Variants in NELL1 observed in about 807,000 individuals in gnomAD.
NELL1 encodes the protein neural EGFL like 1.
In NELL1, 76 loss-of-function variants were observed where a neutral mutation model predicts 107.4. The observed-to-expected ratio is 0.71, with a 90% CI of 0.59 to 0.86. NELL1 has a LOEUF of 0.86. NELL1 is among the 40% of genes least tolerant of loss of function. NELL1 has a pLI of 0.00. For missense variants in NELL1, 1,024 were observed against 1,005.5 expected, an observed-to-expected ratio of 1.02 and a Z score of -0.25; for synonymous variants, 353 against 341.2, an observed-to-expected ratio of 1.03 and a Z score of -0.38.
At chr11:20,947,954 C>T (rs1850997720) in intron 11 of NELL1, among the ~76,000 whole-genome samples, 1 of 152,112 alleles carries the variant, frequency 6.6e-6, no homozygotes, top group African/African-American at 2.4e-5. Flanking sequence ...CACTTGGTTG[C>T]TAATTAATTA....
chr11:21,219,430 T>C (rs1857696855), intron 13 of NELL1, among the ~76,000 whole-genome samples: 1 of 152,178 alleles, frequency 6.6e-6, no homozygotes, highest in African/African-American at 2.4e-5. Flanking sequence ...ATTTCGTAGG[T>C]TGTCTCTATA....
chr11:20,874,812 A>G (rs551952176), intron 4 of NELL1, among the ~76,000 whole-genome samples: 2 of 152,136 alleles, frequency 1.3e-5, no homozygotes, highest in East Asian at 1.9e-4. Flanking sequence ...GTTGGTATCA[A>G]TTTTCCCTCT....
intron 14 of NELL1, among the ~76,000 whole-genome samples, chr11:21,325,919 T>C (rs1360930459): frequency 6.6e-6 from 1 of 151,894 alleles, no homozygotes; most frequent in East Asian, 1.9e-4. Context: ...TTTCATCCAG[T>C]ATGTTTTTGA....
chr11:21,486,677 GA>G (rs763995702), intron 15 of NELL1, among the ~76,000 whole-genome samples: 5 of 151,992 alleles, frequency 3.3e-5, no homozygotes, highest in Non-Finnish European at 5.9e-5. Context: ...TGATTTTAAA[GA>G]AGCCCAAATG....
intron 12 of NELL1, among the ~76,000 whole-genome samples, chr11:21,011,419 A>T (rs1852444052): frequency 6.6e-6 from 1 of 152,154 alleles, no homozygotes; most frequent in Non-Finnish European, 1.5e-5. Context: ...AGAGGAAGAA[A>T]TTATAATTCT....
intron 13 of NELL1, among the ~76,000 whole-genome samples, chr11:21,135,711 T>A (rs1279120322): frequency 6.6e-6 from 1 of 152,206 alleles, no homozygotes; most frequent in Non-Finnish European, 1.5e-5. Context: ...AACTAAAACA[T>A]ATAACAACAT....
intron 4 of NELL1, among the ~76,000 whole-genome samples, chr11:20,880,163 A>T (rs1464883094): frequency 6.6e-6 from 1 of 152,244 alleles, no homozygotes; most frequent in Non-Finnish European, 1.5e-5. Context: ...TGAAATATCA[A>T]ACCCTTAAAT....
At chr11:21,376,639 G>T (rs969827336) in intron 15 of NELL1, among the ~76,000 whole-genome samples, 3 of 152,048 alleles carry the variant, frequency 2.0e-5, no homozygotes, top group Non-Finnish European at 4.4e-5. Flanking sequence ...GTTGCTTTGG[G>T]CAGTATGGCC....
At chr11:20,894,850 G>A in intron 5 of NELL1, among the ~76,000 whole-genome samples, 1 of 152,136 alleles carries the variant, frequency 6.6e-6, no homozygotes, top group African/African-American at 2.4e-5. Flanking sequence ...AATTTGTGGG[G>A]TACATGTAAA....
rs771721613 is a variant in NELL1, at chr11:21,307,804, C to A, written c.1550-63049C>A. 4.3e-4 allele frequency among the ~76,000 whole-genome samples: 66 copies of A among 151,938 alleles called. 1 individual carries two copies. Among genetic ancestry groups the A allele is most frequent in the Non-Finnish European group, 8.7e-4 (59 of 67,958 alleles). ...TATATGAACCCTTACTTTAAGCAAGCAGATTGAGCCACAGTTCAATATGAA... is the reference window on the plus strand; with the variant it reads ...TATATGAACCCTTACTTTAAGCAAGAAGATTGAGCCACAGTTCAATATGAA... On this transcript the variant is annotated intron_variant, in intron 14 of 19. Coordinates refer to ENST00000357134, the MANE Select transcript of NELL1 (RefSeq NM_006157.5).
intron 11 of NELL1, among the ~76,000 whole-genome samples, chr11:20,959,461 T>C (rs1476130933): frequency 2.6e-5 from 4 of 152,158 alleles, no homozygotes; most frequent in Non-Finnish European, 5.9e-5. Context: ...GAAACTGTGA[T>C]ATAGATGATG....
intron 15 of NELL1, among the ~76,000 whole-genome samples, chr11:21,517,677 T>C (rs181746657): frequency 2.3e-3 from 353 of 152,240 alleles, no homozygotes; most frequent in Non-Finnish European, 3.6e-3. Flanking sequence ...ACCCACACCA[T>C]AGAAAAGAGT....
intron 15 of NELL1, among the ~76,000 whole-genome samples, chr11:21,387,253 C>T (rs1195456632): frequency 6.6e-6 from 1 of 151,828 alleles, no homozygotes; most frequent in East Asian, 1.9e-4. Context: ...AATCTTCTCC[C>T]AGATAATAGC....
intron 3 of NELL1, among the ~76,000 whole-genome samples, chr11:20,833,271 G>A (rs1324407963): frequency 6.6e-6 from 1 of 151,454 alleles, no homozygotes; most frequent in African/African-American, 2.4e-5. Context: ...TATGTGGTAA[G>A]ACTTGATAAA....
intron 14 of NELL1, among the ~76,000 whole-genome samples, chr11:21,248,525 ATGG>A (rs1316759208): frequency 6.6e-6 from 1 of 152,128 alleles, no homozygotes; most frequent in Admixed American, 6.6e-5. Flanking sequence ...CAGCCTTCAA[ATGG>A]TGGTTCCTGA....
chr11:20,768,705 G>T (rs970823280), intron 2 of NELL1, among the ~76,000 whole-genome samples: 2 of 152,190 alleles, frequency 1.3e-5, no homozygotes, highest in Non-Finnish European at 2.9e-5. Flanking sequence ...TGGAAGCAGA[G>T]AGAGATCATA....
At chr11:21,027,840 A>G (rs1041231723) in intron 12 of NELL1, among the ~76,000 whole-genome samples, 1 of 152,164 alleles carries the variant, frequency 6.6e-6, no homozygotes, top group Non-Finnish European at 1.5e-5. Context: ...AAAAATGTTC[A>G]GTTAAAAGGC....
intron 14 of NELL1, chr11:21,284,209 C>G (rs1467123243): frequency 6.6e-6 from 3 of 456,700 alleles, no homozygotes; most frequent in Non-Finnish European, 1.3e-5. Context: ...CCCTAGATCT[C>G]TATGCCAGTG....
intron 14 of NELL1, among the ~76,000 whole-genome samples, chr11:21,290,548 G>A (rs1415108209): frequency 1.3e-5 from 2 of 152,126 alleles, no homozygotes; most frequent in African/African-American, 2.4e-5. Flanking sequence ...CTCCAGACTG[G>A]GAGACACATC....
Sources: gnomAD v4.1 joint callset for allele counts (sites outside exome capture counted in the v4.1 genomes callset) on GRCh38, gnomAD v4.1.1 for gene constraint, MANE v1.5 for transcripts, NCBI Gene and HGNC (gene_info 2026-07-23, HGNC 2026-07-21) for gene names.